Variants in NCOA2 observed in about 807,000 individuals in gnomAD.
NCOA2 encodes class E basic helix-loop-helix protein 75.
Under a neutral mutation model 145.1 loss-of-function variants are expected in NCOA2, and 21 were observed. The observed-to-expected ratio is 0.14, with a 90% CI of 0.10 to 0.21. The LOEUF (loss-of-function observed/expected upper bound fraction) is 0.21. Among genes scored for constraint, NCOA2 ranks in the 10% least tolerant of loss-of-function variants. The pLI is 1.00. For missense variants in NCOA2, 1,472 were observed against 1,837.6 expected (o/e 0.80, Z 3.64); for synonymous variants, 619 against 637.5 (o/e 0.97, Z 0.44).
intron 1 of NCOA2, among the ~76,000 whole-genome samples, chr8:70,330,181 T>C (rs1806960217): frequency 6.6e-6 from 1 of 150,890 alleles, no homozygotes; most frequent in African/African-American, 2.5e-5. Context: ...ATGAAGATTA[T>C]AAAACACTCA....
intron 1 of NCOA2, among the ~76,000 whole-genome samples, chr8:70,374,959 A>G (rs1266084023): frequency 6.8e-6 from 1 of 146,284 alleles, no homozygotes; most frequent in Non-Finnish European, 1.5e-5. Context: ...ACAATTATAT[A>G]TAATAAATCT....
intron 1 of NCOA2, among the ~76,000 whole-genome samples, chr8:70,396,496 A>AACAT: frequency 6.6e-6 from 1 of 152,356 alleles, no homozygotes; most frequent in East Asian, 1.9e-4. Flanking sequence ...TACAGTAAGA[A>AACAT]ACATACAAGA....
At chr8:70,407,312 T>G (rs1457219950), upstream of NCOA2, among the ~76,000 whole-genome samples, 1 of 152,248 alleles carries the variant, frequency 6.6e-6, no homozygotes, top group African/African-American at 2.4e-5. Context: ...AAGTCAAGCA[T>G]ATTACATAAA....
chr8:70,212,439 T>C (rs906333158), intron 4 of NCOA2, among the ~76,000 whole-genome samples: 6 of 152,116 alleles, frequency 3.9e-5, no homozygotes, highest in Non-Finnish European at 7.4e-5. Flanking sequence ...AGAAACCCAC[T>C]GGATGTTAAA....
intron 22 of NCOA2, among the ~76,000 whole-genome samples, chr8:70,116,131 G>A: frequency 6.8e-6 from 1 of 146,282 alleles, no homozygotes; most frequent in Non-Finnish European, 1.5e-5. Flanking sequence ...AGCTTGCAGT[G>A]AGCCGAGATT....
the NCOA2 span, among the ~76,000 whole-genome samples, chr8:70,430,128 C>T: frequency 6.6e-6 from 1 of 152,194 alleles, no homozygotes; most frequent in Non-Finnish European, 1.5e-5. Context: ...GCTAGGATTA[C>T]AGGCATGAGC....
At chr8:70,245,531 C>T (rs1245306785) in intron 2 of NCOA2, among the ~76,000 whole-genome samples, 1 of 151,990 alleles carries the variant, frequency 6.6e-6, no homozygotes, top group Non-Finnish European at 1.5e-5. Flanking sequence ...CTCTCTCTCC[C>T]TCTCCTTCTC....
intron 2 of NCOA2, among the ~76,000 whole-genome samples, chr8:70,243,957 G>A (rs1476040337): frequency 6.6e-6 from 1 of 151,954 alleles, no homozygotes; most frequent in African/African-American, 2.4e-5. Flanking sequence ...ACTATACTGT[G>A]CTAAGATATG....
intron 1 of NCOA2, among the ~76,000 whole-genome samples, chr8:70,339,851 G>A (rs763504452): frequency 4.6e-5 from 7 of 152,090 alleles, no homozygotes; most frequent in Non-Finnish European, 1.0e-4. Flanking sequence ...AAGATTCCCC[G>A]TTTAATAAAT....
rs1805907938 is a variant in NCOA2, at chr8:70,319,909, T to C, written c.-76-23109A>G. Among the ~76,000 whole-genome samples the C allele has an allele frequency of 3.3e-5, 5 of 152,202 alleles. No individual in the cohort carries two copies. In the South Asian group the frequency reaches 1.0e-3, roughly 31 times the overall value. The stretch of plus-strand genomic sequence containing the variant: ...AAAAGGAAGAGGGAAAAACCAAGTT[T>C]AAGTTATTGGTTTCTTTGCTTCTGT... On this transcript the variant is annotated intron_variant, in intron 1 of 22. Coordinates refer to ENST00000452400, the MANE Select transcript of NCOA2 (RefSeq NM_006540.4).
Position 70,160,659 on chromosome 8 carries a change from C to CAGAGAGAGAGAGAGAGAGAGAGAG in NCOA2, c.977-1008_977-1007insCTCTCTCTCTCTCTCTCTCTCTCT, listed in dbSNP as rs776025101. ...CCACAAAACTGCCACAAGTGAGAGA[C>CAGAGAGAGAGAGAGAGAGAGAGAG]AGAGAGAGAGAGAGAGAGAGAGGGA... On this transcript the variant is annotated intron_variant, in intron 9 of 22. Coordinates refer to ENST00000452400, the MANE Select transcript of NCOA2 (RefSeq NM_006540.4). Among the ~76,000 whole-genome samples, 127 of 132,232 alleles carry CAGAGAGAGAGAGAGAGAGAGAGAG rather than the reference C, an allele frequency of 9.6e-4. 2 individuals are homozygous for CAGAGAGAGAGAGAGAGAGAGAGAG. Among genetic ancestry groups the CAGAGAGAGAGAGAGAGAGAGAGAG allele is most frequent in the African/African-American group, 3.0e-3 (98 of 32,956 alleles). 86.7% of individuals were successfully genotyped at this position (132,232 alleles called of 152,430 possible). A position where few individuals can be genotyped will look rare whatever the true frequency, so the allele number is the denominator to read the frequency against.
chr8:70,391,731 C>T (rs1813222674), intron 1 of NCOA2, among the ~76,000 whole-genome samples: 1 of 152,176 alleles, frequency 6.6e-6, no homozygotes, highest in African/African-American at 2.4e-5. Flanking sequence ...GGAACTGGTC[C>T]ACCTTAAAAG....
chr8:70,359,842 C>T (rs945707796), intron 1 of NCOA2, among the ~76,000 whole-genome samples: 1 of 152,110 alleles, frequency 6.6e-6, no homozygotes, highest in Non-Finnish European at 1.5e-5. Context: ...GGTAATCACT[C>T]TACATTTTAT....
intron 11 of NCOA2, 140 bp downstream of exon 11, chr8:70,155,831 C>T: frequency 4.2e-6 from 3 of 710,380 alleles, no homozygotes; most frequent in Non-Finnish European, 6.6e-6. Context: ...CACACAGCTT[C>T]AGCGAGATTT....
chr8:70,286,582 TATTA>T (rs1391428911), intron 2 of NCOA2, among the ~76,000 whole-genome samples: 2 of 152,212 alleles, frequency 1.3e-5, no homozygotes, highest in African/African-American at 4.8e-5. Context: ...TATTTCACAT[TATTA>T]ATTAAATTAT....
At chr8:70,139,422 A>C (rs1810117977) in intron 14 of NCOA2, among the ~76,000 whole-genome samples, 1 of 152,100 alleles carries the variant, frequency 6.6e-6, no homozygotes, top group Non-Finnish European at 1.5e-5. Context: ...TTCTCATTTA[A>C]TTTTGCACAG....
intron 1 of NCOA2, chr8:70,357,278 G>T (rs1192046449): frequency 6.6e-6 from 1 of 150,856 alleles, no homozygotes; most frequent in Non-Finnish European, 1.5e-5. Context: ...GCATCCAAAA[G>T]AATAATATAC....
intron 1 of NCOA2, among the ~76,000 whole-genome samples, chr8:70,307,405 T>A (rs937441814): frequency 2.6e-5 from 4 of 152,158 alleles, no homozygotes; most frequent in Admixed American, 2.6e-4. Context: ...CTATTGTGGC[T>A]AAATTTTTCT....
intron 2 of NCOA2, among the ~76,000 whole-genome samples, chr8:70,270,050 C>T (rs146482437): frequency 2.7e-4 from 41 of 152,078 alleles, no homozygotes; most frequent in African/African-American, 7.2e-4. Flanking sequence ...TTTATCCTGG[C>T]GCATGCCTGT....
Sources: gnomAD v4.1 joint callset for allele counts (sites outside exome capture counted in the v4.1 genomes callset) on GRCh38, gnomAD v4.1.1 for gene constraint, MANE v1.5 for transcripts, NCBI Gene and HGNC (gene_info 2026-07-23, HGNC 2026-07-21) for gene names.